SLC8A3: variants seen among roughly 807,000 people sequenced by gnomAD.
SLC8A3 encodes solute carrier family 8 member A3.
In SLC8A3, 37 loss-of-function variants were observed where a neutral mutation model predicts 65.4. The observed-to-expected ratio is 0.57, with a 90% CI of 0.44 to 0.74. The LOEUF (loss-of-function observed/expected upper bound fraction) is 0.74. SLC8A3 is among the 30% of genes least tolerant of loss of function. The probability of loss-of-function intolerance (pLI) is 0.00; values close to 1 mark genes in which losing one functional copy is unlikely to be tolerated. For synonymous variants in SLC8A3, 461 were observed against 444.5 expected (o/e 1.04, Z -0.47); for missense variants, 1,112 against 1,172.1 (o/e 0.95, Z 0.75).
At chr14:70,161,288 CAAAAAAAAAAAAAAAAAAA>C (rs5809474) in intron 2 of SLC8A3, among the ~76,000 whole-genome samples, 4 of 33,292 alleles carry the variant, frequency 1.2e-4, no homozygotes, top group African/African-American at 2.4e-4. Context: ...GACTCCATCT[CAAAAAAAAAAAAAAAAAAA>C]AAAAAAAAAA....
intron 2 of SLC8A3, among the ~76,000 whole-genome samples, chr14:70,067,070 G>A (rs932367609): frequency 7.2e-5 from 11 of 152,106 alleles, no homozygotes; most frequent in Admixed American, 2.6e-4. Context: ...CTCAGACCTC[G>A]TTCATAACGT....
At chr14:70,064,730 G>A (rs1002796214) in intron 2 of SLC8A3, among the ~76,000 whole-genome samples, 16 of 152,152 alleles carry the variant, frequency 1.1e-4, no homozygotes, top group East Asian at 1.9e-4. Context: ...TCAGTCCTAC[G>A]ATGATTTTGT....
At chr14:70,147,534 C>T (rs965356605) in intron 2 of SLC8A3, among the ~76,000 whole-genome samples, 2 of 152,068 alleles carry the variant, frequency 1.3e-5, no homozygotes, top group South Asian at 2.1e-4. Context: ...AGGTATTTTG[C>T]AGATATAATT....
Position 70,048,828 on chromosome 14 carries a change from G to A in SLC8A3, c.2328C>T (p.Thr776=), listed in dbSNP as rs757067832. Residue 776 remains threonine (T), a synonymous_variant, in exon 6 of 7, where the codon ACC becomes ACT. Coordinates refer to ENST00000356921, the MANE Select transcript of SLC8A3 (RefSeq NM_182932.3). ...CTGTGACTGAATCTTTGAGACCAAT[G>A]GTGCAGCCGAAGTGCGAGGCCAGGT... ...IGDLASHFGC[T]IGLKDSVTAV... 6.2e-7 allele frequency: 1 copy of A among 1,614,034 alleles called. No homozygotes were observed. Among genetic ancestry groups the A allele is most frequent in the Non-Finnish European group, 8.5e-7 (1 of 1,180,028 alleles).
At chr14:70,165,382 T>C (rs909347737) in intron 2 of SLC8A3, among the ~76,000 whole-genome samples, 7 of 152,162 alleles carry the variant, frequency 4.6e-5, no homozygotes, top group Non-Finnish European at 1.0e-4. Context: ...GGCTCCCCAC[T>C]TTTCCATGAG....
intron 2 of SLC8A3, among the ~76,000 whole-genome samples, chr14:70,118,522 C>T (rs1893813131): frequency 6.6e-6 from 1 of 152,198 alleles, no homozygotes; most frequent in South Asian, 2.1e-4. Context: ...TTTATTCTCC[C>T]TTGTTTCTGT....
chr14:70,182,447 G>T (rs1349874454), intron 1 of SLC8A3, among the ~76,000 whole-genome samples: 4 of 152,034 alleles, frequency 2.6e-5, no homozygotes, highest in African/African-American at 9.7e-5. Flanking sequence ...GAGTGGAAGT[G>T]GAAGAGGGGC....
At chr14:70,075,333 C>T (rs969924659) in intron 2 of SLC8A3, among the ~76,000 whole-genome samples, 1 of 152,176 alleles carries the variant, frequency 6.6e-6, no homozygotes, top group Non-Finnish European at 1.5e-5. Context: ...ACTATCTGCC[C>T]TTTGCAAGAG....
intron 2 of SLC8A3, among the ~76,000 whole-genome samples, chr14:70,062,188 T>G (rs1888877382): frequency 6.6e-6 from 1 of 152,026 alleles, no homozygotes; most frequent in South Asian, 2.1e-4. Context: ...TACCTAAATG[T>G]CTCTTCAGAT....
chr14:70,055,828 A>G (rs542489014), intron 3 of SLC8A3: 18 of 1,609,172 alleles, frequency 1.1e-5, no homozygotes, highest in Non-Finnish European at 1.5e-5. Flanking sequence ...TTGCAAATGG[A>G]TACCAGAAAA....
chr14:70,160,259 A>G (rs1896807271), intron 2 of SLC8A3, among the ~76,000 whole-genome samples: 1 of 152,148 alleles, frequency 6.6e-6, no homozygotes, highest in African/African-American at 2.4e-5. Flanking sequence ...AGCCTGGCCA[A>G]CATGGTGAAA....
At chr14:70,072,044 C>G (rs1482808550) in intron 2 of SLC8A3, among the ~76,000 whole-genome samples, 1 of 152,138 alleles carries the variant, frequency 6.6e-6, no homozygotes, top group Admixed American at 6.5e-5. Context: ...TGTGGCTTCC[C>G]CTAGGGAAAG....
At chr14:70,057,683 C>A (rs1433279545) in intron 3 of SLC8A3, among the ~76,000 whole-genome samples, 8 of 152,188 alleles carry the variant, frequency 5.3e-5, no homozygotes, top group East Asian at 1.9e-4. Context: ...GTTTTTCCTG[C>A]TGCTGCTCAT....
intron 2 of SLC8A3, among the ~76,000 whole-genome samples, chr14:70,151,364 G>A (rs1054018359): frequency 6.6e-6 from 1 of 152,174 alleles, no homozygotes; most frequent in Non-Finnish European, 1.5e-5. Flanking sequence ...AAACAGATTG[G>A]GGTATGTGGC....
rs1886810414 is a variant in SLC8A3, at chr14:70,046,458, C to T, written c.2390-135G>A. The T allele has an allele frequency of 5.9e-6, 5 of 847,494 alleles. No individual in the cohort carries two copies. The East Asian group carries it at 1.1e-4, about 18-fold the overall frequency. 52.5% of individuals were successfully genotyped at this position (847,494 alleles called of 1,614,324 possible). ...GAGAGACAAGGGCTAGGGGGCCACT[C>T]CTAACTCCTAGTTCTGCCGCAAGCA... On this transcript the variant is annotated intron_variant, in intron 6 of 6. Transcript: ENST00000356921. This position sits in a 1 kb window ranked among gnomAD's most constrained non-coding sequence, Gnocchi z 4.2.
intron 2 of SLC8A3, among the ~76,000 whole-genome samples, chr14:70,086,652 C>G (rs923873428): frequency 1.3e-5 from 2 of 152,080 alleles, no homozygotes; most frequent in Admixed American, 6.5e-5. Context: ...GGTCTGCCCC[C>G]CTCAGCCTCC....
At chr14:70,107,295 C>T (rs1043273247) in intron 2 of SLC8A3, among the ~76,000 whole-genome samples, 1 of 152,060 alleles carries the variant, frequency 6.6e-6, no homozygotes, top group Non-Finnish European at 1.5e-5. Flanking sequence ...TAGTCAGTTG[C>T]AGTGAAACCA....
intron 2 of SLC8A3, among the ~76,000 whole-genome samples, chr14:70,070,135 G>A (rs1889877038): frequency 6.6e-6 from 1 of 152,186 alleles, no homozygotes. Context: ...GGACTTTGGA[G>A]TACATCCAGA....
chr14:70,047,576 C>G (rs1023698902), intron 6 of SLC8A3: 3 of 152,210 alleles, frequency 2.0e-5, no homozygotes, highest in Non-Finnish European at 4.4e-5. Context: ...ATACCGCTGG[C>G]CTGCGCTGGG....
Sources: gnomAD v4.1 joint callset for allele counts (sites outside exome capture counted in the v4.1 genomes callset) on GRCh38, gnomAD v4.1.1 for gene constraint, Gnocchi (gnomAD v3.1) non-coding constraint, MANE v1.5 for transcripts, NCBI Gene and HGNC (gene_info 2026-07-23, HGNC 2026-07-21) for gene names.